The following UACA variants were observed in gnomAD, a reference collection of about 807,000 sequenced individuals.
UACA encodes nuclear membrane binding protein.
In UACA, 112 loss-of-function variants were observed where a neutral mutation model predicts 160.5. That is an observed-to-expected ratio of 0.70 (90% CI 0.60 to 0.82). The LOEUF is 0.82. Ranked by LOEUF, UACA falls within the 40% of genes least tolerant of loss-of-function variation. UACA has a pLI of 0.00. For synonymous variants in UACA, 557 were observed against 568.4 expected, an observed-to-expected ratio of 0.98 and a Z score of 0.29; for missense variants, 1,574 against 1,614.6, an observed-to-expected ratio of 0.97 and a Z score of 0.43.
chr15:70,774,853 A>G, the UACA span, among the ~76,000 whole-genome samples: 1 of 152,100 alleles, frequency 6.6e-6, no homozygotes, highest in Non-Finnish European at 1.5e-5. Flanking sequence ...CAGGAGTTCT[A>G]GACCAACCTG....
At chr15:70,691,561 T>G (rs1368241306) in intron 3 of UACA, among the ~76,000 whole-genome samples, 198 bp from the exon 4 acceptor site, 2 of 152,030 alleles carry the variant, frequency 1.3e-5, no homozygotes, top group Non-Finnish European at 2.9e-5. Flanking sequence ...ACAATGAAGG[T>G]AGAAAGAAAA....
Position 70,666,910 on chromosome 15 carries a change from A to G in UACA, c.3774T>C (p.Cys1258=), listed in dbSNP as rs1415851746. Residue 1258 remains cysteine, a synonymous_variant, in exon 16 of 19, where the codon TGT becomes TGC. Coordinates refer to ENST00000322954, the MANE Select transcript of UACA (RefSeq NM_018003.4). ...ANLNRKYEEV[C]EEVLHAKKKE... is the part of the protein sequence containing the mutation. Reference sequence around the variant, plus strand: ...TCTTTTTGGCATGCAAAACTTCCTCACATACTTCCTCATACTTTCTATTCA... The same window carrying G: ...TCTTTTTGGCATGCAAAACTTCCTCGCATACTTCCTCATACTTTCTATTCA... The G allele has an allele frequency of 1.2e-6, 2 of 1,613,496 alleles. No individual in the cohort carries two copies.
chr15:70,684,454 G>GA lies in UACA; in HGVS notation c.603-9dup. On this transcript the variant is annotated splice_polypyrimidine_tract_variant and intron_variant, in intron 7 of 18. Coordinates refer to ENST00000322954, the MANE Select transcript of UACA (RefSeq NM_018003.4). ...CCTAGCATGAGGGCAGTTCTAAATG[G>GA]AAAAATGGAAGAGCAAAAGACTGAG... is the stretch of plus-strand genomic sequence containing the variant. 6.3e-7 allele frequency: 1 copy of GA among 1,589,796 alleles called. No homozygotes were observed. The highest frequency in any genetic ancestry group is 1.4e-5 in the African/African-American group (1 of 73,368).
At chr15:70,742,004 T>C (rs996023306) in intron 1 of UACA, among the ~76,000 whole-genome samples, 1 of 152,208 alleles carries the variant, frequency 6.6e-6, no homozygotes, top group African/African-American at 2.4e-5. Context: ...CCTTCCTCTT[T>C]TGTGACTCAC....
intron 1 of UACA, among the ~76,000 whole-genome samples, chr15:70,746,156 C>T (rs1474016520): frequency 2.0e-5 from 3 of 152,094 alleles, no homozygotes; most frequent in Non-Finnish European, 2.9e-5. Flanking sequence ...AACTAAAGAG[C>T]TTCTACACAG....
chr15:70,660,174 T>G lies in UACA; in HGVS notation c.4156A>C (p.Thr1386Pro), dbSNP rs201974563. 6.2e-7 allele frequency: 1 copy of G among 1,613,678 alleles called. No homozygotes were observed. Among genetic ancestry groups the G allele is most frequent in the East Asian group, 2.2e-5 (1 of 44,860 alleles). Reference sequence around the variant, plus strand: ...ACCTGTGCAGCACTAAGAAGGTGTGTCCGATAAATTGCAATTACTTCTTGG... The same window carrying G: ...ACCTGTGCAGCACTAAGAAGGTGTGGCCGATAAATTGCAATTACTTCTTGG... The part of the protein sequence containing the change: ...QHQEVIAIYR[T>P]HLLSAAQGHM... Residue 1386 changes from threonine to proline, a missense_variant, in exon 18 of 19, where the codon ACA becomes CCA. Physicochemically the swap from Thr to Pro is conservative, Grantham distance 38. Transcript: ENST00000322954.
chr15:70,678,353 G>A, intron 10 of UACA, 147 bp from the exon 11 acceptor site: 1 of 512,360 alleles, frequency 2.0e-6, no homozygotes, highest in Non-Finnish European at 3.4e-6. Flanking sequence ...TCAATGATAT[G>A]CCAATGATTT....
chr15:70,718,028 TACACAC>T (rs140483075), intron 1 of UACA, among the ~76,000 whole-genome samples: 88 of 142,590 alleles, frequency 6.2e-4, no homozygotes, highest in Non-Finnish European at 9.3e-4. Context: ...AATTTCTTTA[TACACAC>T]ACACACACAC....
At chr15:70,699,389 GT>G in intron 2 of UACA, 137 bp downstream of exon 2, 1 of 920,714 alleles carries the variant, frequency 1.1e-6, no homozygotes, top group South Asian at 1.8e-5. Context: ...TTATTAGTTT[GT>G]TTGAAAGATT....
At chr15:70,737,161 A>G (rs2140998943) in intron 1 of UACA, among the ~76,000 whole-genome samples, 1 of 152,352 alleles carries the variant, frequency 6.6e-6, no homozygotes, top group Non-Finnish European at 1.5e-5. Context: ...ATAGGTGGCC[A>G]TCGGGGCTGA....
intron 1 of UACA, among the ~76,000 whole-genome samples, chr15:70,718,249 AC>A (rs1350646587): frequency 1.8e-5 from 1 of 55,910 alleles, no homozygotes; most frequent in Non-Finnish European, 3.4e-5. Context: ...AGACAGAGGA[AC>A]GGGGGGGAGG....
the UACA span, among the ~76,000 whole-genome samples, chr15:70,769,885 C>T: frequency 6.6e-6 from 1 of 152,030 alleles, no homozygotes; most frequent in African/African-American, 2.4e-5. Context: ...TAATCCCAGC[C>T]ACTCAGGTGG....
Position 70,706,093 on chromosome 15 carries a change from T to C in UACA, c.79-6433A>G, listed in dbSNP as rs989538540. ...TTATACACCATGATCAACTGTATAA[T>C]CTTTATTCCTGGAATGCAAGGACGT... On this transcript the variant is annotated intron_variant, in intron 1 of 18. Transcript: ENST00000322954. Among the ~76,000 whole-genome samples, 5 of 152,272 alleles carry C rather than the reference T, an allele frequency of 3.3e-5. 1 individual carries two copies. In the South Asian group the frequency reaches 8.3e-4, roughly 25 times the overall value.
At position 70,726,453 on chromosome 15, in the gene UACA, G is replaced by C. The variant is rs188222375; in HGVS notation, c.79-26793C>G. 2.0e-4 allele frequency among the ~76,000 whole-genome samples: 30 copies of C among 152,152 alleles called. No individual in the cohort carries two copies. The East Asian group carries it at 5.6e-3, about 28-fold the overall frequency. On this transcript the variant is annotated intron_variant, in intron 1 of 18. Transcript: ENST00000322954. ...ATTAGAAGCATATTCTTTGCTATTCGTGTATAAAACTAAATCTCTCTAAAA... is the reference window on the plus strand; with the variant it reads ...ATTAGAAGCATATTCTTTGCTATTCCTGTATAAAACTAAATCTCTCTAAAA...
chr15:70,669,091 T>C lies in UACA; in HGVS notation c.1593A>G (p.Ala531=), dbSNP rs773643136. 9.9e-6 allele frequency: 16 copies of C among 1,614,162 alleles called. No individual in the cohort carries two copies. The highest frequency in any genetic ancestry group is 1.4e-5 in the Non-Finnish European group (16 of 1,180,016). ...CGGTTAGTCTGTGATTCCCTGAGGC[T>C]GCTTCACTTGTTAAGTGTTCTTTAA... ...LALKEHLTSE[A]ASGNHRLTEE... Residue 531 remains alanine (A), a synonymous_variant, in exon 16 of 19, where the codon GCA becomes GCG. Transcript: ENST00000322954.
At chr15:70,690,601 T>G (rs992253845) in intron 4 of UACA, 90 bp from the exon 5 acceptor site, 3 of 977,986 alleles carry the variant, frequency 3.1e-6, no homozygotes, top group Admixed American at 4.8e-5. Context: ...TATTTAATCT[T>G]AAAATATTCC....
chr15:70,657,860 T>G (rs936385746), intron 18 of UACA, among the ~76,000 whole-genome samples: 23 of 151,444 alleles, frequency 1.5e-4, no homozygotes, highest in African/African-American at 4.4e-4. Flanking sequence ...GGTGGGAGGA[T>G]CACTTGAGGC....
chr15:70,667,838 A>G lies in UACA; in HGVS notation c.2846T>C (p.Ile949Thr). ...TTGGCCTTTTCTGTAGTTGGCCAAG[A>G]TTTCAGCATTACTATCCTGCACCTT... ...MRKVQDSNAE[I>T]LANYRKGQEE... The change falls in exon 16 of 19, where the codon ATC becomes ACC. Residue 949 changes from isoleucine to threonine, a missense_variant. Coordinates refer to ENST00000322954, the MANE Select transcript of UACA (RefSeq NM_018003.4). 6.2e-7 allele frequency: 1 copy of G among 1,613,974 alleles called. No homozygotes were observed.
rs1185238825 is a variant in UACA, at chr15:70,718,297, AGAGAGG to A, written c.79-18643_79-18638del. ...GGGGGAGAGAGGGAGAGAGGAAGGG[AGAGAGG>A]GAGAGGGAGAGAGAGAGAGAATGTG... is the stretch of plus-strand genomic sequence containing the variant. On this transcript the variant is annotated intron_variant, in intron 1 of 18. Coordinates refer to ENST00000322954, the MANE Select transcript of UACA (RefSeq NM_018003.4). 1.2e-4 allele frequency among the ~76,000 whole-genome samples: 16 copies of A among 135,594 alleles called. 1 individual carries two copies. Among genetic ancestry groups the A allele is most frequent in the Non-Finnish European group, 8.0e-5 (5 of 62,570 alleles). The allele number at this position is 135,594 out of a possible 152,430, so 89.0% of individuals were successfully genotyped here. A position where few individuals can be genotyped will look rare whatever the true frequency, so the allele number is the denominator to read the frequency against.
Sources: allele counts gnomAD v4.1 joint callset (sites outside exome capture counted in the v4.1 genomes callset), GRCh38; gene constraint gnomAD v4.1.1; transcripts MANE v1.5; gene names NCBI Gene and HGNC (gene_info 2026-07-23, HGNC 2026-07-21).